Variants in ACOX1 observed in about 807,000 individuals in gnomAD.
The protein encoded by ACOX1 is peroxisomal acyl-coenzyme A oxidase 1.
In ACOX1, 41 loss-of-function variants were observed where a neutral mutation model predicts 75.5. That is an observed-to-expected ratio of 0.54 (90% CI 0.42 to 0.70). ACOX1 has a LOEUF of 0.70. ACOX1 is among the 30% of genes least tolerant of loss of function. The pLI is 0.00. For missense variants in ACOX1, 630 were observed against 837.5 expected, an observed-to-expected ratio of 0.75 and a Z score of 3.06; for synonymous variants, 303 against 298.8, an observed-to-expected ratio of 1.01 and a Z score of -0.15.
At chr17:75,957,748 T>G (rs541037790) in intron 3 of ACOX1, among the ~76,000 whole-genome samples, 182 bp from the exon 4 acceptor site, 1 of 152,362 alleles carries the variant, frequency 6.6e-6, no homozygotes, top group East Asian at 1.9e-4. Context: ...CCACACTATC[T>G]GATGGTTTCC....
At chr17:75,951,777 G>A (rs184695999) in intron 7 of ACOX1, among the ~76,000 whole-genome samples, 200 bp from the exon 8 acceptor site, 14 of 145,192 alleles carry the variant, frequency 9.6e-5, no homozygotes, top group Middle Eastern at 3.6e-3. Context: ...CACACAGCTC[G>A]TATGTGGCAG....
chr17:75,954,207 C>T (rs1166614574), intron 6 of ACOX1, among the ~76,000 whole-genome samples: 1 of 139,290 alleles, frequency 7.2e-6, no homozygotes, highest in African/African-American at 3.1e-5. Context: ...CAGAGCAAGA[C>T]TCTGTCTCAA....
chr17:75,967,468 CAA>C (rs1230377047), intron 2 of ACOX1, among the ~76,000 whole-genome samples: 1 of 125,324 alleles, frequency 8.0e-6, no homozygotes. Flanking sequence ...GACTATGTCT[CAA>C]AAAAAAAAAC....
In ACOX1 at chr17:75,972,327, CAA is replaced by C. The variant is rs58820718; in HGVS notation, c.269+6205_269+6206del. Among the ~76,000 whole-genome samples the C allele has an allele frequency of 1.0e-2, 1,104 of 110,928 alleles. 19 individuals carry two copies. Among genetic ancestry groups the C allele is most frequent in the African/African-American group, 0.029 (847 of 29,072 alleles). 72.8% of individuals were successfully genotyped at this position (110,928 alleles called of 152,430 possible). A position where few individuals can be genotyped will look rare whatever the true frequency, so the allele number is the denominator to read the frequency against. On this transcript the variant is annotated intron_variant, in intron 2 of 13. Coordinates refer to ENST00000293217, the MANE Select transcript of ACOX1 (RefSeq NM_004035.7). ...GGGCGACAGAGTGAGACTCTGTCTCCAAAAAAAAAAAAAAAAAGGAAGGATCT... is the reference window on the plus strand; with the variant it reads ...GGGCGACAGAGTGAGACTCTGTCTCCAAAAAAAAAAAAAAAGGAAGGATCT...
At position 75,948,308 on chromosome 17, in the gene ACOX1, C is replaced by A. The variant is rs780811146; in HGVS notation, c.1878G>T (p.Gly626=). The part of the protein sequence containing the change: ...TLGSVLGRYD[G]NVYENLFEWA... ...ACTCAAACAAGTTTTCATACACATT[C>A]CCATCATAGCGGCCAAGCACAGAGC... is the stretch of plus-strand genomic sequence containing the variant. The change falls in exon 13 of 14, where the codon GGG becomes GGT. Residue 626 remains glycine (G), a synonymous_variant. Coordinates refer to ENST00000293217, the MANE Select transcript of ACOX1 (RefSeq NM_004035.7). 6.8e-6 allele frequency: 11 copies of A among 1,613,970 alleles called. 1 individual carries two copies. In the South Asian group the frequency reaches 1.2e-4, roughly 18 times the overall value.
intron 2 of ACOX1, among the ~76,000 whole-genome samples, chr17:75,972,211 C>T (rs1467821811): frequency 6.6e-6 from 1 of 151,460 alleles, no homozygotes; most frequent in Non-Finnish European, 1.5e-5. Flanking sequence ...ACCTGTAGTC[C>T]CAGCTACTGA....
chr17:75,975,225 C>A (rs2066036898), intron 2 of ACOX1, among the ~76,000 whole-genome samples: 1 of 151,802 alleles, frequency 6.6e-6, no homozygotes, highest in African/African-American at 2.4e-5. Flanking sequence ...GTGGTGTGAT[C>A]CCAGCTCACG....
chr17:75,978,413 T>C lies in ACOX1; in HGVS notation c.269+121A>G. The stretch of plus-strand genomic sequence containing the variant: ...CGGCCACACATATAACTTTATAAAG[T>C]TGCATGAAAATATGCCAGTTTGCAT... On this transcript the variant is annotated intron_variant, in intron 2 of 13. Transcript: ENST00000293217. The surrounding 1 kb of genome is among the most constrained non-coding windows in gnomAD (Gnocchi z 4.2). 1 of 1,364,456 alleles carries C rather than the reference T, an allele frequency of 7.3e-7. No homozygotes were observed. Among genetic ancestry groups the C allele is most frequent in the Non-Finnish European group, 1.0e-6 (1 of 962,558 alleles). 84.5% of individuals were successfully genotyped at this position (1,364,456 alleles called of 1,614,324 possible).
intron 2 of ACOX1, among the ~76,000 whole-genome samples, chr17:75,977,508 G>A (rs2066063702): frequency 1.3e-5 from 2 of 152,108 alleles, no homozygotes; most frequent in African/African-American, 4.8e-5. Context: ...GGAGGCTGGA[G>A]TGAGCCGAGA....
In ACOX1 at chr17:75,946,741, TGACACTTCA is replaced by T. The variant is rs747127049; in HGVS notation, c.1981_*6del. 7 of 1,613,758 alleles carry T rather than the reference TGACACTTCA, an allele frequency of 4.3e-6. No individual in the cohort carries two copies. Among genetic ancestry groups the T allele is most frequent in the Non-Finnish European group, 5.1e-6 (6 of 1,179,672 alleles). On this transcript the variant is annotated stop_lost and 3_prime_UTR_variant, in exon 14 of 14. Coordinates refer to ENST00000293217, the MANE Select transcript of ACOX1 (RefSeq NM_004035.7). Reference sequence around the variant, plus strand: ...CTGAAGCAGATTAAACTTGTCCTTGTGACACTTCAGAGCTTGGACTGCAGTGACTTCAGG... The same window carrying T: ...CTGAAGCAGATTAAACTTGTCCTTGTGAGCTTGGACTGCAGTGACTTCAGG...
intron 7 of ACOX1, among the ~76,000 whole-genome samples, chr17:75,951,969 G>A (rs7218187): frequency 3.9e-4 from 59 of 151,902 alleles, no homozygotes; most frequent in African/African-American, 1.2e-3. Flanking sequence ...CATGAGCCAC[G>A]GTGCCTAGGC....
chr17:75,977,127 A>C (rs2066058661), intron 2 of ACOX1, among the ~76,000 whole-genome samples: 1 of 147,892 alleles, frequency 6.8e-6, no homozygotes, highest in Non-Finnish European at 1.5e-5. Context: ...CCTCCTGAAT[A>C]GCTGGGACCC....
intron 4 of ACOX1, 68 bp downstream of exon 4, chr17:75,957,391 C>G: frequency 7.1e-7 from 1 of 1,399,598 alleles, no homozygotes; most frequent in Non-Finnish European, 1.0e-6. Flanking sequence ...CATAAAAGCT[C>G]TACATTCTAA....
In ACOX1 at chr17:75,943,518, AGAGT is replaced by A. The variant is rs2065693201; in HGVS notation, c.*3226_*3229del. 6.6e-6 allele frequency: 1 copy of A among 152,382 alleles called. No individual in the cohort carries two copies. 9.4% of individuals were successfully genotyped at this position (152,382 alleles called of 1,614,324 possible). A position where few individuals can be genotyped will look rare whatever the true frequency, so the allele number is the denominator to read the frequency against. ...ACACCACTGCATTCCAGCCTGGGTG[AGAGT>A]GAGACCCTCATGGGGTGGAAAAAAA... is the stretch of plus-strand genomic sequence containing the variant. On this transcript the variant is annotated 3_prime_UTR_variant, in exon 14 of 14. Coordinates refer to ENST00000293217, the MANE Select transcript of ACOX1 (RefSeq NM_004035.7).
chr17:75,947,250 T>G lies in ACOX1; in HGVS notation c.1936-455A>C, dbSNP rs150819497. 5.7e-3 allele frequency among the ~76,000 whole-genome samples: 847 copies of G among 149,132 alleles called. 11 individuals carry two copies. The highest frequency in any genetic ancestry group is 0.019 in the African/African-American group (790 of 40,936). On this transcript the variant is annotated intron_variant, in intron 13 of 13. Coordinates refer to ENST00000293217, the MANE Select transcript of ACOX1 (RefSeq NM_004035.7). Reference sequence around the variant, plus strand: ...GGATAAAATTATCTGATGTCTTAGTTTTTTTTTTTTTTTTGAAACGGAGCC... The same window carrying G: ...GGATAAAATTATCTGATGTCTTAGTGTTTTTTTTTTTTTTGAAACGGAGCC...
intron 8 of ACOX1, 111 bp downstream of exon 8, chr17:75,951,304 A>C: frequency 7.4e-7 from 1 of 1,354,930 alleles, no homozygotes; most frequent in South Asian, 1.2e-5. Flanking sequence ...AAGTTCTCAG[A>C]ATACATACTT....
intron 4 of ACOX1, among the ~76,000 whole-genome samples, chr17:75,956,963 CTCTCTCTCTATATATATATATA>C (rs1215331218): frequency 0.026 from 491 of 19,018 alleles, 3 homozygotes; most frequent in Non-Finnish European, 0.033. Flanking sequence ...CTCTCTCTCT[CTCTCTCTCTATATATATATATA>C]TATATATATA....
At chr17:75,946,869 TG>T in intron 13 of ACOX1, 74 bp from the exon 14 acceptor site, 1 of 1,451,994 alleles carries the variant, frequency 6.9e-7, no homozygotes, top group African/African-American at 1.4e-5. Context: ...TTTTTGTTTT[TG>T]TTTTTGTTTT....
chr17:75,965,434 G>C (rs919271569), intron 2 of ACOX1, among the ~76,000 whole-genome samples: 4 of 149,768 alleles, frequency 2.7e-5, no homozygotes, highest in African/African-American at 9.8e-5. Flanking sequence ...CCCAAGAAAA[G>C]ACAAGGCTTC....
Sources: gnomAD v4.1 joint callset for allele counts (sites outside exome capture counted in the v4.1 genomes callset) on GRCh38, gnomAD v4.1.1 for gene constraint, Gnocchi (gnomAD v3.1) non-coding constraint, MANE v1.5 for transcripts, NCBI Gene and HGNC (gene_info 2026-07-23, HGNC 2026-07-21) for gene names.